CNTNAP2: variants seen among roughly 807,000 people sequenced by gnomAD.
CNTNAP2 encodes contactin associated protein 2, also known as contactin-associated protein-like 2.
Under a neutral mutation model 155.2 loss-of-function variants are expected in CNTNAP2, and 98 were observed. The ratio of observed to expected loss-of-function variants is 0.63; its 90% CI spans 0.54 to 0.75. The LOEUF (loss-of-function observed/expected upper bound fraction) is 0.75. Ranked by LOEUF, CNTNAP2 falls within the 30% of genes least tolerant of loss-of-function variation. CNTNAP2 has a pLI of 0.00. For missense variants in CNTNAP2, 1,727 were observed against 1,688.1 expected, an observed-to-expected ratio of 1.02 and a Z score of -0.40; for synonymous variants, 651 against 631.2, an observed-to-expected ratio of 1.03 and a Z score of -0.47.
intron 2 of CNTNAP2, among the ~76,000 whole-genome samples, chr7:146,838,313 A>T (rs1320430983): frequency 6.6e-6 from 1 of 151,996 alleles, no homozygotes; most frequent in African/African-American, 2.4e-5. Flanking sequence ...GATTTTTTAA[A>T]ATTTTATTTT....
intron 1 of CNTNAP2, among the ~76,000 whole-genome samples, chr7:146,148,595 A>G (rs1797989126): frequency 1.3e-5 from 2 of 152,134 alleles, no homozygotes. Flanking sequence ...ATGCTGGGAA[A>G]TTCAGAAGTA....
chr7:147,916,993 G>C (rs1800173723), intron 14 of CNTNAP2, among the ~76,000 whole-genome samples: 1 of 152,126 alleles, frequency 6.6e-6, no homozygotes, highest in Admixed American at 6.5e-5. Flanking sequence ...CATGGATTCT[G>C]TCTCCCCTGG....
At chr7:146,974,389 G>C (rs1287612358) in intron 3 of CNTNAP2, among the ~76,000 whole-genome samples, 1 of 151,554 alleles carries the variant, frequency 6.6e-6, no homozygotes, top group African/African-American at 2.4e-5. Context: ...AGTGAGCCGA[G>C]ATCATGCCAT....
chr7:146,457,685 A>G (rs1436368461), intron 1 of CNTNAP2, among the ~76,000 whole-genome samples: 1 of 150,512 alleles, frequency 6.6e-6, no homozygotes, highest in Non-Finnish European at 1.5e-5. Flanking sequence ...TTTTATTTTT[A>G]GTAGAGACTG....
At chr7:147,662,939 T>G (rs1274486711) in intron 13 of CNTNAP2, among the ~76,000 whole-genome samples, 1 of 152,234 alleles carries the variant, frequency 6.6e-6, no homozygotes, top group Non-Finnish European at 1.5e-5. Context: ...AAACAGAAAG[T>G]TACTTAGTTT....
intron 13 of CNTNAP2, among the ~76,000 whole-genome samples, chr7:147,777,210 A>G: frequency 6.6e-6 from 1 of 152,200 alleles, no homozygotes; most frequent in South Asian, 2.1e-4. Flanking sequence ...TTCAAGTCTA[A>G]AAATTATCAC....
At chr7:147,627,075 C>A (rs1379621618) in intron 12 of CNTNAP2, among the ~76,000 whole-genome samples, 1 of 152,130 alleles carries the variant, frequency 6.6e-6, no homozygotes, top group Non-Finnish European at 1.5e-5. Flanking sequence ...ATAACAATCT[C>A]TGCGTTCCAG....
intron 1 of CNTNAP2, among the ~76,000 whole-genome samples, chr7:146,381,247 G>C (rs1795383283): frequency 6.6e-6 from 1 of 152,128 alleles, no homozygotes; most frequent in African/African-American, 2.4e-5. Flanking sequence ...ACCTGAGATT[G>C]CTACATAGGA....
At chr7:148,098,697 A>T (rs932565950) in intron 15 of CNTNAP2, among the ~76,000 whole-genome samples, 2 of 152,096 alleles carry the variant, frequency 1.3e-5, no homozygotes, top group African/African-American at 4.8e-5. Flanking sequence ...ATTTTCATTA[A>T]AATAAATATA....
intron 13 of CNTNAP2, among the ~76,000 whole-genome samples, chr7:147,654,200 G>A (rs952051142): frequency 1.3e-5 from 2 of 152,092 alleles, no homozygotes; most frequent in Non-Finnish European, 2.9e-5. Flanking sequence ...CTTGAATTTT[G>A]GAATAACTAG....
intron 18 of CNTNAP2, among the ~76,000 whole-genome samples, chr7:148,210,533 T>C (rs1454052042): frequency 6.6e-6 from 1 of 152,226 alleles, no homozygotes; most frequent in African/African-American, 2.4e-5. Flanking sequence ...CCATAGCTGA[T>C]TGATGTGTTT....
At chr7:147,069,893 T>C (rs1490074379) in intron 4 of CNTNAP2, among the ~76,000 whole-genome samples, 3 of 152,210 alleles carry the variant, frequency 2.0e-5, no homozygotes, top group Non-Finnish European at 4.4e-5. Context: ...ATTTTTGTTA[T>C]TAACTAATTT....
chr7:146,858,464 C>A (rs961995738), intron 3 of CNTNAP2, among the ~76,000 whole-genome samples: 1 of 152,166 alleles, frequency 6.6e-6, no homozygotes, highest in Non-Finnish European at 1.5e-5. Context: ...GAGGCCAAGG[C>A]GAGAGGATCA....
chr7:148,217,473 T>C lies in CNTNAP2; in HGVS notation c.3196T>C (p.Tyr1066His), dbSNP rs1795664726. The change falls in exon 19 of 24, where the codon TAC (tyrosine) becomes CAC (histidine). Residue 1066 changes from tyrosine (Y) to histidine (H), a missense_variant. Transcript: ENST00000361727. Reference protein sequence around the residue: ...STTKAPCILLYISSFTTDFLA... With the variant: ...STTKAPCILLHISSFTTDFLA... ...CACCAAGGCGCCCTGCATTCTCCTC[T>C]ACATCAGCTCCTTCACCACAGACTT... 1.9e-6 allele frequency: 3 copies of C among 1,614,030 alleles called. No homozygotes were observed. In the South Asian group the frequency reaches 3.3e-5, roughly 18 times the overall value.
chr7:146,617,904 AGTGTACTGCCT>A, intron 1 of CNTNAP2, among the ~76,000 whole-genome samples: 1 of 152,290 alleles, frequency 6.6e-6, no homozygotes, highest in Admixed American at 6.5e-5. Flanking sequence ...GTCTTTTGTG[AGTGTACTGCCT>A]CAATTCATAT....
intron 21 of CNTNAP2, among the ~76,000 whole-genome samples, chr7:148,356,714 T>G (rs373144267): frequency 5.3e-5 from 8 of 152,242 alleles, no homozygotes; most frequent in African/African-American, 1.9e-4. Flanking sequence ...TATGCTCATT[T>G]ATAAAGTCTC....
At chr7:148,000,952 G>A (rs1801885332) in intron 15 of CNTNAP2, among the ~76,000 whole-genome samples, 1 of 152,174 alleles carries the variant, frequency 6.6e-6, no homozygotes, top group Non-Finnish European at 1.5e-5. Context: ...GCTCACGGCA[G>A]CCCTTGGCTT....
chr7:147,327,839 A>G (rs1795488256), intron 9 of CNTNAP2, among the ~76,000 whole-genome samples: 1 of 152,144 alleles, frequency 6.6e-6, no homozygotes, highest in Non-Finnish European at 1.5e-5. Flanking sequence ...TTTTGGGGTA[A>G]GGATTTAAAA....
chr7:146,506,906 G>A (rs1363366631), intron 1 of CNTNAP2, among the ~76,000 whole-genome samples: 1 of 152,156 alleles, frequency 6.6e-6, no homozygotes, highest in African/African-American at 2.4e-5. Flanking sequence ...ATCAGGAATG[G>A]GAGGTGCCTC....
Sources: allele counts gnomAD v4.1 joint callset (sites outside exome capture counted in the v4.1 genomes callset), GRCh38; gene constraint gnomAD v4.1.1; transcripts MANE v1.5; gene names NCBI Gene and HGNC (gene_info 2026-07-23, HGNC 2026-07-21).